ANO10: variants seen among roughly 807,000 people sequenced by gnomAD.
ANO10 encodes the protein anoctamin 10, also known as anoctamin-10.
ANO10 carries 77 observed loss-of-function variants against 74.7 expected under a neutral mutation model. That is an observed-to-expected ratio of 1.03 (90% CI 0.86 to 1.25). The LOEUF (loss-of-function observed/expected upper bound fraction) is 1.25, where lower values mean the gene tolerates loss of function less well. Among genes scored for constraint, ANO10 ranks in the 50% most tolerant of loss-of-function variants. ANO10 has a pLI of 0.00. For synonymous variants in ANO10, 279 were observed against 284.9 expected (o/e 0.98, Z 0.21); for missense variants, 721 against 778.1 (o/e 0.93, Z 0.87).
chr3:43,435,417 G>T (rs1392511368), intron 11 of ANO10, among the ~76,000 whole-genome samples: 1 of 152,060 alleles, frequency 6.6e-6, no homozygotes, highest in African/African-American at 2.4e-5. Context: ...GTTGAGGCAG[G>T]GGAATTGCTT....
At chr3:43,433,214 C>T (rs1002566848) in intron 11 of ANO10, among the ~76,000 whole-genome samples, 22 of 151,636 alleles carry the variant, frequency 1.5e-4, no homozygotes, top group East Asian at 1.9e-4. Flanking sequence ...CCCAAAGTGC[C>T]GGGATTACAG....
chr3:43,401,287 AT>A, intron 12 of ANO10, among the ~76,000 whole-genome samples: 1 of 152,330 alleles, frequency 6.6e-6, no homozygotes, highest in Non-Finnish European at 1.5e-5. Context: ...AACACTCATG[AT>A]CCAAAGGAGA....
intron 11 of ANO10, among the ~76,000 whole-genome samples, chr3:43,500,613 G>A (rs2077066498): frequency 6.6e-6 from 1 of 152,190 alleles, no homozygotes; most frequent in South Asian, 2.1e-4. Context: ...AAATGTGGTG[G>A]TATGATCTCT....
intron 11 of ANO10, among the ~76,000 whole-genome samples, chr3:43,462,567 A>G (rs1275669929): frequency 1.3e-5 from 2 of 152,210 alleles, no homozygotes; most frequent in South Asian, 2.1e-4. Flanking sequence ...AGAGCATAAA[A>G]GTTTGGAAAA....
At chr3:43,395,360 C>T (rs2092356953) in intron 12 of ANO10, among the ~76,000 whole-genome samples, 1 of 152,048 alleles carries the variant, frequency 6.6e-6, no homozygotes, top group Non-Finnish European at 1.5e-5. Flanking sequence ...AAATCTTTGC[C>T]TAATGTAAGG....
At chr3:43,585,052 TA>T (rs2081417380) in intron 4 of ANO10, among the ~76,000 whole-genome samples, 1 of 152,338 alleles carries the variant, frequency 6.6e-6, no homozygotes, top group South Asian at 2.1e-4. Context: ...TAAGTTACTC[TA>T]AGTTTTATTA....
intron 1 of ANO10, among the ~76,000 whole-genome samples, chr3:43,640,842 C>T (rs1431354874): frequency 6.6e-6 from 1 of 152,170 alleles, no homozygotes; most frequent in Non-Finnish European, 1.5e-5. Flanking sequence ...GATAGATTGT[C>T]ATGGTTGATT....
At chr3:43,636,032 C>A (rs1358010483) in intron 1 of ANO10, among the ~76,000 whole-genome samples, 3 of 150,618 alleles carry the variant, frequency 2.0e-5, no homozygotes, top group African/African-American at 2.4e-5. Flanking sequence ...CAAAAAAAAA[C>A]AAAAAAAACC....
intron 4 of ANO10, among the ~76,000 whole-genome samples, chr3:43,590,645 A>G (rs932685888): frequency 2.0e-5 from 3 of 152,232 alleles, no homozygotes; most frequent in African/African-American, 7.2e-5. Flanking sequence ...CCATGAGGGA[A>G]AAAATGGAAA....
chr3:43,609,534 A>G, intron 1 of ANO10, among the ~76,000 whole-genome samples: 1 of 152,220 alleles, frequency 6.6e-6, no homozygotes, highest in East Asian at 1.9e-4. Flanking sequence ...GAGAATTCCA[A>G]CCATTTACGG....
chr3:43,415,320 T>C (rs2092722390), intron 12 of ANO10, among the ~76,000 whole-genome samples: 1 of 151,950 alleles, frequency 6.6e-6, no homozygotes, highest in South Asian at 2.1e-4. Flanking sequence ...AGAGGTTTGG[T>C]AACTTGCCCA....
rs1318561721 is a variant in ANO10, at chr3:43,565,728, C to A, written c.1219-1G>T. 9.3e-6 allele frequency: 14 copies of A among 1,509,390 alleles called. No homozygotes were observed. Among genetic ancestry groups the A allele is most frequent in the African/African-American group, 1.5e-5 (1 of 64,934 alleles). 93.5% of individuals were successfully genotyped at this position (1,509,390 alleles called of 1,614,324 possible). ...AGGCAAAGCAATTGAGGAAGTTGAA[C>A]TGCCAAAAAAAAAAAAAAAAAAGAT... On this transcript the variant is annotated splice_acceptor_variant, in intron 7 of 12. Coordinates refer to ENST00000292246, the MANE Select transcript of ANO10 (RefSeq NM_018075.5). LOFTEE classifies it high-confidence loss of function.
In ANO10 at chr3:43,659,369, C is replaced by T. The variant is rs187068639; in HGVS notation, c.-12+32148G>A. Among the ~76,000 whole-genome samples the T allele has an allele frequency of 6.0e-4, 91 of 152,280 alleles. 1 individual carries two copies. The highest frequency in any genetic ancestry group is 2.1e-3 in the African/African-American group (87 of 41,562). On this transcript the variant is annotated intron_variant, in intron 1 of 3. Coordinates refer to the ANO10 transcript ENST00000413397. ...CTTCTTCCCAAATACTGTGCTTTTC[C>T]CATGGTCTCTGCAACCAGCAGACCA...
intron 12 of ANO10, among the ~76,000 whole-genome samples, chr3:43,423,015 G>A (rs1253496516): frequency 1.3e-5 from 2 of 151,924 alleles, no homozygotes; most frequent in African/African-American, 4.8e-5. Context: ...CAAGTGCAAA[G>A]TACAAACTAT....
chr3:43,450,742 C>A (rs1313820797), intron 11 of ANO10, among the ~76,000 whole-genome samples: 2 of 152,066 alleles, frequency 1.3e-5, no homozygotes. Flanking sequence ...AGAAAGGTAC[C>A]CTGCACTCTG....
chr3:43,526,208 T>G (rs756997521), intron 11 of ANO10, among the ~76,000 whole-genome samples: 17 of 152,236 alleles, frequency 1.1e-4, no homozygotes, highest in Non-Finnish European at 2.9e-5. Context: ...AGATTCACTT[T>G]CAGAATTAGC....
chr3:43,537,872 T>C (rs1027078895), intron 11 of ANO10, among the ~76,000 whole-genome samples: 1 of 152,068 alleles, frequency 6.6e-6, no homozygotes, highest in Admixed American at 6.6e-5. Context: ...CAAACCACCG[T>C]CACATAGTTT....
intron 9 of ANO10, among the ~76,000 whole-genome samples, chr3:43,556,279 A>T (rs963891767): frequency 1.1e-4 from 16 of 152,206 alleles, no homozygotes. Context: ...CAGCATTCAA[A>T]ATTGCACTGT....
chr3:43,597,837 G>A (rs1463803517), intron 4 of ANO10, among the ~76,000 whole-genome samples: 1 of 151,948 alleles, frequency 6.6e-6, no homozygotes, highest in Non-Finnish European at 1.5e-5. Context: ...GAGATTATTT[G>A]AGCCCAGGAG....
Sources: allele counts gnomAD v4.1 joint callset (sites outside exome capture counted in the v4.1 genomes callset), GRCh38; gene constraint gnomAD v4.1.1; transcripts MANE v1.5; gene names NCBI Gene and HGNC (gene_info 2026-07-23, HGNC 2026-07-21).